The following KIAA1328 variants were observed in gnomAD, a reference collection of about 807,000 sequenced individuals.
The protein encoded by KIAA1328 is KIAA1328, also known as protein hinderin.
A neutral mutation model predicts 68.1 loss-of-function variants in KIAA1328; 52 were observed. The observed-to-expected ratio is 0.76, with a 90% CI of 0.61 to 0.96. The LOEUF is 0.96. Among genes scored for constraint, KIAA1328 ranks in the 40% least tolerant of loss-of-function variants. KIAA1328 has a pLI of 0.00. For synonymous variants in KIAA1328, 232 were observed against 239.4 expected (o/e 0.97, Z 0.28); for missense variants, 641 against 677.6 (o/e 0.95, Z 0.60).
rs984371687 is a variant in KIAA1328 at position 37,072,924 on chromosome 18, C to G, written c.1232+5379C>G. ...TGAGGATGATGGCTTCCAGCTTCAT[C>G]CATGTCCCTGCAAAGGACATGATCT... On this transcript the variant is annotated intron_variant, in intron 7 of 9. Coordinates refer to ENST00000280020, the MANE Select transcript of KIAA1328 (RefSeq NM_020776.3). 2.0e-5 allele frequency among the ~76,000 whole-genome samples: 3 copies of G among 152,278 alleles called. No homozygotes were observed. In the East Asian group the frequency reaches 5.8e-4, roughly 29 times the overall value.
chr18:37,205,590 G>C (rs1232041108), intron 9 of KIAA1328, among the ~76,000 whole-genome samples: 1 of 152,154 alleles, frequency 6.6e-6, no homozygotes, highest in African/African-American at 2.4e-5. Flanking sequence ...GACACAAATA[G>C]GTACTCCAAA....
At chr18:37,027,075 A>G (rs1296186604) in intron 6 of KIAA1328, among the ~76,000 whole-genome samples, 3 of 148,998 alleles carry the variant, frequency 2.0e-5, no homozygotes, top group Admixed American at 6.7e-5. Context: ...CTTTACACCA[A>G]TAACAAACAG....
chr18:36,862,603 G>A lies in KIAA1328; in HGVS notation c.332+18301G>A, dbSNP rs564092745. On this transcript the variant is annotated intron_variant, in intron 4 of 9. Transcript: ENST00000280020. ...TGTACTGCAGTTTGTTTAATCATTC[G>A]CCTGTTGAAGGACATTTGTGTTGTC... 9.9e-5 allele frequency among the ~76,000 whole-genome samples: 15 copies of A among 152,094 alleles called. 1 individual carries two copies. Among genetic ancestry groups the A allele is most frequent in the East Asian group, 3.9e-4 (2 of 5,184 alleles).
intron 6 of KIAA1328, chr18:37,063,422 A>G (rs2056228761): frequency 6.5e-6 from 1 of 153,880 alleles, no homozygotes; most frequent in South Asian, 2.1e-4. Flanking sequence ...CTTTTTATTA[A>G]CTCAAAGTCA....
Position 37,217,518 on chromosome 18 carries a change from A to C in KIAA1328, c.1524-4499A>C, listed in dbSNP as rs553482595. Among the ~76,000 whole-genome samples, 13 of 152,220 alleles carry C rather than the reference A, an allele frequency of 8.5e-5. No individual in the cohort carries two copies. In the South Asian group the frequency reaches 2.7e-3, roughly 32 times the overall value. ...GCCCCCACTCTCTTCTGGCTTGTAG[A>C]GTTTCTGCCGAGAGATCAGCTGTTA... is the stretch of plus-strand genomic sequence containing the variant. On this transcript the variant is annotated intron_variant, in intron 9 of 9. Transcript: ENST00000280020.
chr18:37,027,246 A>G (rs2054620897), intron 6 of KIAA1328, among the ~76,000 whole-genome samples: 1 of 152,234 alleles, frequency 6.6e-6, no homozygotes, highest in Non-Finnish European at 1.5e-5. Flanking sequence ...AGAACATTCC[A>G]TGCTCATGGA....
intron 6 of KIAA1328, among the ~76,000 whole-genome samples, chr18:37,049,269 T>C (rs1046270249): frequency 4.6e-5 from 7 of 152,248 alleles, no homozygotes; most frequent in Admixed American, 3.9e-4. Flanking sequence ...TTGCGGTGCC[T>C]GGGAAGGCAC....
chr18:36,877,624 G>A (rs1303245390), intron 4 of KIAA1328, among the ~76,000 whole-genome samples: 2 of 146,028 alleles, frequency 1.4e-5, no homozygotes, highest in African/African-American at 2.5e-5. Context: ...ACAGCACACC[G>A]ATGGGTCTTG....
intron 5 of KIAA1328, among the ~76,000 whole-genome samples, chr18:36,910,624 A>G (rs2049405971): frequency 6.6e-6 from 1 of 152,100 alleles, no homozygotes; most frequent in Non-Finnish European, 1.5e-5. Flanking sequence ...TTGGTTCCAT[A>G]TGAACTTTAA....
intron 6 of KIAA1328, among the ~76,000 whole-genome samples, chr18:37,007,822 TGG>T (rs2053836558): frequency 2.0e-5 from 3 of 152,140 alleles, no homozygotes; most frequent in African/African-American, 7.2e-5. Context: ...CTAAAAAGTC[TGG>T]ACAAAATATA....
chr18:37,085,311 G>T (rs1459192967), intron 7 of KIAA1328, among the ~76,000 whole-genome samples: 1 of 152,082 alleles, frequency 6.6e-6, no homozygotes, highest in African/African-American at 2.4e-5. Flanking sequence ...TCTCTTCCCT[G>T]CCCAAACAGA....
intron 5 of KIAA1328, among the ~76,000 whole-genome samples, chr18:36,951,114 C>T (rs2051143641): frequency 6.6e-6 from 1 of 152,222 alleles, no homozygotes; most frequent in African/African-American, 2.4e-5. Context: ...CATTGGCCTC[C>T]TTCTCGTCTC....
intron 8 of KIAA1328, among the ~76,000 whole-genome samples, chr18:37,165,576 C>T (rs1259830265): frequency 6.7e-6 from 1 of 149,970 alleles, no homozygotes; most frequent in Non-Finnish European, 1.5e-5. Flanking sequence ...TGTGCCACCA[C>T]ACCCGGCTAA....
intron 6 of KIAA1328, among the ~76,000 whole-genome samples, chr18:36,980,576 AT>A (rs969961689): frequency 1.3e-5 from 2 of 152,120 alleles, no homozygotes; most frequent in South Asian, 2.1e-4. Flanking sequence ...ATATCTGGTG[AT>A]TTTTTTACCG....
chr18:36,990,441 G>GAGGC (rs1162575775), intron 6 of KIAA1328, among the ~76,000 whole-genome samples: 1 of 152,018 alleles, frequency 6.6e-6, no homozygotes, highest in Non-Finnish European at 1.5e-5. Flanking sequence ...TTGGGAGGCT[G>GAGGC]AGGCAGGCGG....
chr18:36,982,498 G>C (rs945442857), intron 6 of KIAA1328, among the ~76,000 whole-genome samples: 1 of 151,514 alleles, frequency 6.6e-6, no homozygotes, highest in Non-Finnish European at 1.5e-5. Context: ...ACATTTAAAA[G>C]TACTTTTAAA....
chr18:37,139,291 T>A (rs1035164223), intron 7 of KIAA1328, among the ~76,000 whole-genome samples: 3 of 152,150 alleles, frequency 2.0e-5, no homozygotes, highest in African/African-American at 7.2e-5. Flanking sequence ...CACTTCGGTC[T>A]CAAAATTTTT....
chr18:36,883,952 G>GTATATTTGTATATATATATATATATA (rs540895118), intron 4 of KIAA1328, among the ~76,000 whole-genome samples: 1 of 120,804 alleles, frequency 8.3e-6, no homozygotes, highest in African/African-American at 3.3e-5. Flanking sequence ...TATTTATAAA[G>GTATATTTGTATATATATATATATATA]TATATATATA....
intron 9 of KIAA1328, among the ~76,000 whole-genome samples, chr18:37,216,000 T>A (rs913270987): frequency 3.3e-5 from 5 of 152,190 alleles, no homozygotes; most frequent in Non-Finnish European, 5.9e-5. Context: ...TGATATCCCC[T>A]TTATCATTTT....
Sources: gnomAD v4.1 joint callset for allele counts (sites outside exome capture counted in the v4.1 genomes callset) on GRCh38, gnomAD v4.1.1 for gene constraint, MANE v1.5 for transcripts, NCBI Gene and HGNC (gene_info 2026-07-23, HGNC 2026-07-21) for gene names.